Variants in CDHR3 observed in about 807,000 individuals in gnomAD.
The protein encoded by CDHR3 is cadherin-related family member 3.
Under a neutral mutation model 86.6 loss-of-function variants are expected in CDHR3, and 79 were observed. That is an observed-to-expected ratio of 0.91 (90% CI 0.76 to 1.10). The LOEUF (loss-of-function observed/expected upper bound fraction) is 1.10. Ranked by LOEUF, CDHR3 falls within the 50% of genes least tolerant of loss-of-function variation. The pLI is 0.00. For synonymous variants in CDHR3, 421 were observed against 402.4 expected, an observed-to-expected ratio of 1.05 and a Z score of -0.55; for missense variants, 1,081 against 1,077.6, an observed-to-expected ratio of 1.00 and a Z score of -0.04.
At chr7:106,016,706 G>T (rs73195659) in intron 11 of CDHR3, among the ~76,000 whole-genome samples, 1 of 152,182 alleles carries the variant, frequency 6.6e-6, no homozygotes, top group South Asian at 2.1e-4. Context: ...AAACCAAAAC[G>T]CTCCCTCTAA....
rs571853301 is a variant in CDHR3, at chr7:106,027,898, G to A, written c.2273-653G>A. On this transcript the variant is annotated intron_variant, in intron 16 of 18. Coordinates refer to ENST00000317716, the MANE Select transcript of CDHR3 (RefSeq NM_152750.5). ...CCAGCACTCTGGGAGGCCAAGGCTA[G>A]AGGATCACTTGAGCCCAGAAGTTCG... 2.0e-5 allele frequency among the ~76,000 whole-genome samples: 3 copies of A among 152,238 alleles called. No homozygotes were observed. In the East Asian group the frequency reaches 5.8e-4, roughly 29 times the overall value.
At chr7:106,016,497 C>T (rs906610179) in intron 11 of CDHR3, among the ~76,000 whole-genome samples, 3 of 152,182 alleles carry the variant, frequency 2.0e-5, no homozygotes, top group African/African-American at 4.8e-5. Context: ...CTTTACAACA[C>T]CCTGCTTTTT....
At chr7:106,014,705 A>G (rs1429501558) in intron 9 of CDHR3, among the ~76,000 whole-genome samples, 1 of 152,204 alleles carries the variant, frequency 6.6e-6, no homozygotes, top group Non-Finnish European at 1.5e-5. Flanking sequence ...TACTGTACTC[A>G]CTATTTTCAG....
In CDHR3 at chr7:106,018,068, T is replaced by C. The variant is rs1451484633; in HGVS notation, c.1649T>C (p.Val550Ala). The change falls in exon 12 of 19, where the codon GTC (valine) becomes GCC (alanine). Residue 550 changes from valine (V) to alanine (A), a missense_variant. Physicochemically the swap from Val to Ala is moderately conservative, Grantham distance 64. Coordinates refer to ENST00000317716, the MANE Select transcript of CDHR3 (RefSeq NM_152750.5). ...ACCAACAACGAAGACACAAGCTCTG[T>C]CACTGTGAGTGGTGCTGCTTGGTAT... ...QATNNEDTSS[V>A]TVTVNILEEN... is the part of the protein sequence containing the mutation. 2.5e-6 allele frequency: 4 copies of C among 1,613,220 alleles called. No individual in the cohort carries two copies. The highest frequency in any genetic ancestry group is 3.4e-6 in the Non-Finnish European group (4 of 1,179,430).
At chr7:105,993,495 C>T (rs923202677) in intron 4 of CDHR3, among the ~76,000 whole-genome samples, 4 of 149,654 alleles carry the variant, frequency 2.7e-5, no homozygotes, top group Non-Finnish European at 1.5e-5. Flanking sequence ...CATGGTGAAA[C>T]CCTGTCTCTA....
chr7:105,986,575 A>G (rs932982376), intron 4 of CDHR3, among the ~76,000 whole-genome samples: 11 of 152,256 alleles, frequency 7.2e-5, no homozygotes, highest in African/African-American at 2.4e-4. Flanking sequence ...TCAGAAATGA[A>G]GACCCAAAGA....
At chr7:105,995,996 G>A (rs763164333) in intron 5 of CDHR3, among the ~76,000 whole-genome samples, 7 of 152,260 alleles carry the variant, frequency 4.6e-5, no homozygotes, top group Middle Eastern at 3.4e-3. Context: ...GCAGCATGGC[G>A]CTTGAGCAGA....
intron 12 of CDHR3, among the ~76,000 whole-genome samples, chr7:106,019,384 G>C (rs1425617869): frequency 1.4e-5 from 2 of 147,110 alleles, no homozygotes; most frequent in East Asian, 3.9e-4. Context: ...GTGTTTGTTA[G>C]GCTGTTTTTT....
chr7:105,994,567 A>G (rs978937242), intron 4 of CDHR3, among the ~76,000 whole-genome samples, 184 bp from the exon 5 acceptor site: 1 of 152,192 alleles, frequency 6.6e-6, no homozygotes, highest in Middle Eastern at 3.2e-3. Flanking sequence ...GCTCAGACCA[A>G]CAGAGCCAGA....
In CDHR3 at chr7:106,028,114, T is replaced by A. The variant is rs566345608; in HGVS notation, c.2273-437T>A. 4.0e-5 allele frequency among the ~76,000 whole-genome samples: 5 copies of A among 124,166 alleles called. No homozygotes were observed. In the East Asian group the frequency reaches 6.4e-4, roughly 16 times the overall value. The allele number at this position is 124,166 out of a possible 152,430, so 81.5% of individuals were successfully genotyped here. A position where few individuals can be genotyped will look rare whatever the true frequency, so the allele number is the denominator to read the frequency against. ...CCTGGACGACAAGAGTGAGACCCTG[T>A]CTTAAAATAAAATAAAATAAAATAA... On this transcript the variant is annotated intron_variant, in intron 16 of 18. Transcript: ENST00000317716.
At chr7:106,009,420 A>G (rs1834429338) in intron 8 of CDHR3, among the ~76,000 whole-genome samples, 1 of 152,194 alleles carries the variant, frequency 6.6e-6, no homozygotes, top group Non-Finnish European at 1.5e-5. Flanking sequence ...TCTCCAGTCC[A>G]ACTATGTCAA....
At position 106,025,493 on chromosome 7, in the gene CDHR3, G is replaced by C. The variant is rs185541070; in HGVS notation, c.2258+931G>C. 2.0e-3 allele frequency among the ~76,000 whole-genome samples: 297 copies of C among 152,228 alleles called. 1 individual carries two copies. Among genetic ancestry groups the C allele is most frequent in the African/African-American group, 6.9e-3 (286 of 41,540 alleles). On this transcript the variant is annotated intron_variant, in intron 15 of 18. Coordinates refer to ENST00000317716, the MANE Select transcript of CDHR3 (RefSeq NM_152750.5). ...TACCCAGCCAGTTTTTACAAATCTTGTTTCATTATTCTTCACAGATGAGTC... is the reference window on the plus strand; with the variant it reads ...TACCCAGCCAGTTTTTACAAATCTTCTTTCATTATTCTTCACAGATGAGTC...
rs374038018 is a variant in CDHR3, at chr7:106,013,031, G to A, written c.1224G>A (p.Val408=). ...ATCCAGCTGGCTCTGGGAAGATTGTGGTCAGTTAATGGTCATTGCATCATT... is the reference window on the plus strand; with the variant it reads ...ATCCAGCTGGCTCTGGGAAGATTGTAGTCAGTTAATGGTCATTGCATCATT... The part of the protein sequence containing the change: ...LQDPAGSGKI[V]LIGDLDYENP... The change falls in exon 9 of 19, where the codon GTG becomes GTA. Residue 408 remains valine, a splice_region_variant and synonymous_variant. Transcript: ENST00000317716. 6.3e-5 allele frequency: 101 copies of A among 1,597,938 alleles called. No individual in the cohort carries two copies. Among genetic ancestry groups the A allele is most frequent in the Non-Finnish European group, 8.4e-5 (98 of 1,173,180 alleles).
Position 106,013,001 on chromosome 7 carries a change from A to G in CDHR3, c.1194A>G (p.Leu398=). ...PSGVGSGSRF[L]QDPAGSGKIV... ...GAGTGGGGAGCGGCAGCAGATTTTT[A>G]CAGGATCCAGCTGGCTCTGGGAAGA... The change falls in exon 9 of 19, where the codon TTA becomes TTG. Residue 398 remains leucine, a synonymous_variant. Coordinates refer to ENST00000317716, the MANE Select transcript of CDHR3 (RefSeq NM_152750.5). 1 of 1,611,274 alleles carries G rather than the reference A, an allele frequency of 6.2e-7. No homozygotes were observed.
At chr7:106,021,302 T>C (rs1360064785) in intron 13 of CDHR3, among the ~76,000 whole-genome samples, 1 of 152,160 alleles carries the variant, frequency 6.6e-6, no homozygotes, top group Non-Finnish European at 1.5e-5. Context: ...CTGCCTGCTG[T>C]GCCCTTGGCC....
In CDHR3 at chr7:105,981,516, G is replaced by A. The variant is rs147775006; in HGVS notation, c.415+383G>A. On this transcript the variant is annotated intron_variant, in intron 3 of 18. Transcript: ENST00000317716. ...TGGACTCTGACTTCTTGAGGGCAGC[G>A]TGTTTCTGCTACAATAGGGACAATG... 6.6e-5 allele frequency among the ~76,000 whole-genome samples: 10 copies of A among 152,256 alleles called. No homozygotes were observed. The South Asian group carries it at 8.3e-4, about 13-fold the overall frequency.
At chr7:106,014,916 A>T (rs1432319647) in intron 9 of CDHR3, among the ~76,000 whole-genome samples, 195 bp from the exon 10 acceptor site, 2 of 152,184 alleles carry the variant, frequency 1.3e-5, no homozygotes, top group Admixed American at 1.3e-4. Context: ...CTGGTAAATT[A>T]TTTCCATAAG....
intron 4 of CDHR3, among the ~76,000 whole-genome samples, chr7:105,991,593 T>C (rs1180499447): frequency 1.3e-5 from 2 of 152,376 alleles, no homozygotes; most frequent in East Asian, 3.9e-4. Context: ...CATTATTACA[T>C]TCAAATATTT....
chr7:106,015,720 A>G (rs962645466), intron 10 of CDHR3: 21 of 592,256 alleles, frequency 3.5e-5, no homozygotes, highest in Non-Finnish European at 6.4e-5. Flanking sequence ...AGCTGTTCCT[A>G]CTCTGGGTTC....
Sources: gnomAD v4.1 joint callset for allele counts (sites outside exome capture counted in the v4.1 genomes callset) on GRCh38, gnomAD v4.1.1 for gene constraint, MANE v1.5 for transcripts, NCBI Gene and HGNC (gene_info 2026-07-23, HGNC 2026-07-21) for gene names.